The following CHD9NB variants were observed in gnomAD, a reference collection of about 807,000 sequenced individuals.
The protein encoded by CHD9NB is CHD9 neighbor, also known as CHD9 neighbor protein.
chr16:53,050,970 C>T, the CHD9NB span, among the ~76,000 whole-genome samples: 103 of 152,040 alleles, frequency 6.8e-4, no homozygotes, highest in African/African-American at 2.3e-3. Context: ...TTACTGCAAG[C>T]TCCGCCTCTC....
the CHD9NB span, among the ~76,000 whole-genome samples, chr16:53,051,608 G>A: frequency 1.0e-4 from 15 of 144,326 alleles, no homozygotes; most frequent in Admixed American, 3.5e-4. Context: ...ATCGCACACC[G>A]GGGCCTGTTG....
chr16:53,040,324 G>A, the CHD9NB span, among the ~76,000 whole-genome samples: 9 of 151,846 alleles, frequency 5.9e-5, no homozygotes, highest in East Asian at 1.7e-3. Context: ...TCCACCCACC[G>A]TGGCCTCCCA....
At chr16:53,038,642 C>T in the CHD9NB span, among the ~76,000 whole-genome samples, 27 of 152,292 alleles carry the variant, frequency 1.8e-4, no homozygotes, top group Non-Finnish European at 2.9e-4. Flanking sequence ...TGAGCCACTG[C>T]GCCCAGTCTT....
the CHD9NB span, among the ~76,000 whole-genome samples, chr16:53,037,498 A>G: frequency 6.6e-6 from 1 of 152,142 alleles, no homozygotes; most frequent in African/African-American, 2.4e-5. Flanking sequence ...AACAAAAGAG[A>G]GAGGTTTTTA....
chr16:53,040,143 C>T, the CHD9NB span, among the ~76,000 whole-genome samples: 2 of 152,040 alleles, frequency 1.3e-5, no homozygotes, highest in African/African-American at 4.8e-5. Context: ...AATCTAGGCT[C>T]ACTGCAACCT....
At chr16:53,041,166 T>C in the CHD9NB span, among the ~76,000 whole-genome samples, 1 of 152,356 alleles carries the variant, frequency 6.6e-6, no homozygotes, top group African/African-American at 2.4e-5. Flanking sequence ...GATGGATGGA[T>C]AGATACGTTA....
the CHD9NB span, among the ~76,000 whole-genome samples, chr16:53,036,582 C>T: frequency 6.6e-6 from 1 of 152,166 alleles, no homozygotes; most frequent in Admixed American, 6.5e-5. Flanking sequence ...TTATCAGACC[C>T]AGAGGGCACT....
chr16:53,048,751 C>A, the CHD9NB span, among the ~76,000 whole-genome samples: 11 of 152,214 alleles, frequency 7.2e-5, no homozygotes, highest in African/African-American at 2.7e-4. Context: ...GGTCACCTAA[C>A]AGCTATGACT....
the CHD9NB span, chr16:53,043,649 G>C: frequency 5.8e-6 from 1 of 173,450 alleles, no homozygotes. Context: ...CCAGGCAGAC[G>C]GGGATCCCTG....
chr16:53,051,345 G>A, the CHD9NB span, among the ~76,000 whole-genome samples: 2 of 152,142 alleles, frequency 1.3e-5, no homozygotes, highest in South Asian at 2.1e-4. Flanking sequence ...AACAGAACAA[G>A]AAAGCAAAAG....
chr16:53,043,908 C>T, the CHD9NB span: 4 of 397,882 alleles, frequency 1.0e-5, no homozygotes, highest in Admixed American at 4.4e-5. Flanking sequence ...TCCCAGTGAT[C>T]GGAGCTTCTC....
At chr16:53,036,502 G>A in the CHD9NB span, among the ~76,000 whole-genome samples, 2 of 152,100 alleles carry the variant, frequency 1.3e-5, no homozygotes, top group African/African-American at 2.4e-5. Context: ...CTCCCCTCAG[G>A]GTATATGTGT....
the CHD9NB span, among the ~76,000 whole-genome samples, chr16:53,041,145 C>G: frequency 1.3e-5 from 2 of 152,114 alleles, no homozygotes; most frequent in East Asian, 3.9e-4. Context: ...AGGAAGGAGG[C>G]ATGGATGGAT....
chr16:53,043,716 C>T, the CHD9NB span: 1 of 263,668 alleles, frequency 3.8e-6, no homozygotes, highest in African/African-American at 2.2e-5. Flanking sequence ...TGCTCTGAGG[C>T]TTGTCTGCAT....
At chr16:53,039,273 T>G in the CHD9NB span, among the ~76,000 whole-genome samples, 14 of 152,254 alleles carry the variant, frequency 9.2e-5, no homozygotes, top group African/African-American at 3.4e-4. Context: ...CTGGATCCAG[T>G]TGCCCAAACA....
chr16:53,049,416 T>G, the CHD9NB span, among the ~76,000 whole-genome samples: 1 of 151,936 alleles, frequency 6.6e-6, no homozygotes, highest in Non-Finnish European at 1.5e-5. Flanking sequence ...CATCAAGTGA[T>G]CCTCCTGCCT....
At chr16:53,042,146 C>T in the CHD9NB span, among the ~76,000 whole-genome samples, 5 of 152,168 alleles carry the variant, frequency 3.3e-5, no homozygotes, top group African/African-American at 1.2e-4. Context: ...CAGCACCTTA[C>T]TGCTTCGCCC....
chr16:53,051,768 A>AATATATATATATATATATATATATAT, the CHD9NB span, among the ~76,000 whole-genome samples: 2 of 104,644 alleles, frequency 1.9e-5, 1 homozygote, highest in Non-Finnish European at 3.4e-5. Context: ...TAAAAGTATA[A>AATATATATATATATATATATATATAT]ATATATATAT....
At chr16:53,051,797 A>C in the CHD9NB span, among the ~76,000 whole-genome samples, 1 of 127,038 alleles carries the variant, frequency 7.9e-6, no homozygotes, top group East Asian at 2.5e-4. Context: ...ATATATATAT[A>C]TATATATATA....
Sources: gnomAD v4.1 joint callset for allele counts (sites outside exome capture counted in the v4.1 genomes callset) on GRCh38, gnomAD v4.1.1 for gene constraint, MANE v1.5 for transcripts, NCBI Gene and HGNC (gene_info 2026-07-23, HGNC 2026-07-21) for gene names.